CAPN8: variants seen among roughly 807,000 people sequenced by gnomAD.
The protein encoded by CAPN8 is calpain 8.
A neutral mutation model predicts 80.9 loss-of-function variants in CAPN8; 87 were observed. The observed-to-expected ratio is 1.07, with a 90% CI of 0.90 to 1.28. The LOEUF (loss-of-function observed/expected upper bound fraction) is 1.28, where lower values mean the gene tolerates loss of function less well. Among genes scored for constraint, CAPN8 ranks in the 50% most tolerant of loss-of-function variants. The pLI, the probability that CAPN8 is intolerant of heterozygous loss-of-function variation, is 0.00. For synonymous variants in CAPN8, 299 were observed against 273.8 expected (o/e 1.09, Z -0.91); for missense variants, 757 against 702.0 (o/e 1.08, Z -0.89).
intron 2 of CAPN8, among the ~76,000 whole-genome samples, chr1:223,635,487 T>C (rs1343429899): frequency 2.0e-5 from 3 of 152,260 alleles, no homozygotes; most frequent in African/African-American, 7.2e-5. Context: ...CTGGCTAGAC[T>C]TGGAAGCTGC....
chr1:223,623,207 CAT>C lies in CAPN8; in HGVS notation c.814-309_814-308del, dbSNP rs1657455380. Among the ~76,000 whole-genome samples the C allele has an allele frequency of 2.6e-5, 4 of 152,208 alleles. No individual in the cohort carries two copies. In the South Asian group the frequency reaches 8.3e-4, roughly 32 times the overall value. On this transcript the variant is annotated intron_variant, in intron 6 of 20. Transcript: ENST00000366872. ...ACTAAGATTGACTGAGCTTTTAATA[CAT>C]GAGACCTAATGATAATAAACGCCCT... is the stretch of plus-strand genomic sequence containing the variant.
rs1049697726 is a variant in CAPN8, at chr1:223,625,252, T to C, written c.813+553A>G. Among the ~76,000 whole-genome samples the C allele has an allele frequency of 2.0e-5, 3 of 152,288 alleles. No individual in the cohort carries two copies. In the South Asian group the frequency reaches 6.2e-4, roughly 32 times the overall value. ...TTTTCCTGTTTTGGGATTTTGTGAG[T>C]TCCCACTGTTTTGCCCACACAAACA... On this transcript the variant is annotated intron_variant, in intron 6 of 20. Transcript: ENST00000366872.
intron 3 of CAPN8, 105 bp downstream of exon 3, chr1:223,628,557 C>T (rs1307943315): frequency 2.4e-6 from 2 of 819,190 alleles, no homozygotes; most frequent in African/African-American, 1.7e-5. Context: ...ATTATTAAGA[C>T]ATAGGTCACT....
At chr1:223,637,984 G>A (rs1657948038) in intron 2 of CAPN8, among the ~76,000 whole-genome samples, 1 of 152,142 alleles carries the variant, frequency 6.6e-6, no homozygotes, top group Admixed American at 6.5e-5. Flanking sequence ...CTTGTAACAA[G>A]CGAAATGTTT....
chr1:223,665,008 C>T (rs1658747330), intron 1 of CAPN8, among the ~76,000 whole-genome samples: 1 of 152,120 alleles, frequency 6.6e-6, no homozygotes, highest in African/African-American at 2.4e-5. Context: ...TATCCCAGCA[C>T]TTTGGAAGGC....
Position 223,622,852 on chromosome 1 carries a change from A to G in CAPN8, c.862T>C (p.Trp288Arg). ...GCTCCCGACCACTCCACTTCACCCC[A>G]TGGATTCCTGAGTCTGATCAGCTTC... The part of the protein sequence containing the change: ...PEKLIRLRNP[W>R]GEVEWSGAWS... The change falls in exon 7 of 21, where the codon TGG becomes CGG. Residue 288 changes from tryptophan to arginine, a missense_variant. By Grantham distance (101) the Trp-to-Arg change is moderately radical. Transcript: ENST00000366872. 1 of 1,551,728 alleles carries G rather than the reference A, an allele frequency of 6.4e-7. No homozygotes were observed.
At chr1:223,645,265 G>A (rs766859126) in intron 2 of CAPN8, among the ~76,000 whole-genome samples, 7 of 152,142 alleles carry the variant, frequency 4.6e-5, no homozygotes, top group Non-Finnish European at 7.3e-5. Flanking sequence ...TCCTGGCCAC[G>A]CTGGCAGCTG....
At chr1:223,549,421 C>A in intron 15 of CAPN8, 39 bp from the exon 16 acceptor site, 2 of 1,551,090 alleles carry the variant, frequency 1.3e-6, no homozygotes, top group Non-Finnish European at 1.7e-6. Context: ...GGAATCGGAT[C>A]ATTTGAAGGT....
rs2102686604 is a variant in CAPN8, at chr1:223,545,287, C to T, written c.1777G>A (p.Gly593Ser). The change falls in exon 17 of 21, where the codon GGC becomes AGC. Residue 593 changes from glycine (G) to serine (S), a missense_variant. Transcript: ENST00000366872. ...MISLLDSNGT[G>S]TLGAVEFKTL... ...TTGAATTCCACCGCCCCCAAAGTGCCCGTTCCATTGCTCTAGGCACATTAA... is the reference window on the plus strand; with the variant it reads ...TTGAATTCCACCGCCCCCAAAGTGCTCGTTCCATTGCTCTAGGCACATTAA... 4.5e-6 allele frequency: 7 copies of T among 1,551,614 alleles called. No individual in the cohort carries two copies. The highest frequency in any genetic ancestry group is 6.1e-6 in the Non-Finnish European group (7 of 1,146,940).
At chr1:223,556,475 G>T (rs1226408856) in intron 13 of CAPN8, among the ~76,000 whole-genome samples, 1 of 152,164 alleles carries the variant, frequency 6.6e-6, no homozygotes, top group Non-Finnish European at 1.5e-5. Flanking sequence ...CTGGACCATT[G>T]GCCTGAGGAC....
At chr1:223,649,595 C>A (rs10915755) in intron 2 of CAPN8, among the ~76,000 whole-genome samples, 32,684 of 152,064 alleles carry the variant, frequency 0.21, 3,579 homozygotes, top group South Asian at 0.27. Flanking sequence ...ATTCTGAAAT[C>A]TTTTGAAAAT....
At chr1:223,649,434 G>T (rs1658279446) in intron 2 of CAPN8, among the ~76,000 whole-genome samples, 1 of 152,196 alleles carries the variant, frequency 6.6e-6, no homozygotes, top group Admixed American at 6.5e-5. Flanking sequence ...ACAGCCACCA[G>T]CAGGGGCTAG....
chr1:223,549,676 C>T lies in CAPN8; in HGVS notation c.1700-294G>A. 3.8e-6 allele frequency: 2 copies of T among 520,598 alleles called. 1 individual carries two copies. Among genetic ancestry groups the T allele is most frequent in the South Asian group, 4.0e-5 (2 of 49,584 alleles). The allele number at this position is 520,598 out of a possible 1,614,324, so 32.2% of individuals were successfully genotyped here. On this transcript the variant is annotated intron_variant, in intron 15 of 20. Transcript: ENST00000366872. ...ATTAATATCTTTGAGCTTTAATTTC[C>T]TCCTCCATCAAATGGGAATAATCAT...
chr1:223,641,692 G>A (rs895072101), intron 2 of CAPN8, among the ~76,000 whole-genome samples: 3 of 152,134 alleles, frequency 2.0e-5, no homozygotes, highest in African/African-American at 7.2e-5. Context: ...CCACTACTTT[G>A]CAAGTCCCCG....
chr1:223,628,236 C>T, intron 3 of CAPN8, 94 bp from the exon 4 acceptor site: 1 of 1,394,042 alleles, frequency 7.2e-7, no homozygotes, highest in Non-Finnish European at 9.5e-7. Context: ...TCTGTGCCAT[C>T]AGTGTTCGAG....
At chr1:223,544,321 C>T (rs1000589101) in intron 18 of CAPN8, 138 bp from the exon 19 acceptor site, 22 of 616,124 alleles carry the variant, frequency 3.6e-5, no homozygotes, top group Non-Finnish European at 5.5e-5. Flanking sequence ...ACTCTGCCTT[C>T]TCCAGGGGAT....
At chr1:223,558,248 C>T (rs969883550) in intron 12 of CAPN8, 81 bp from the exon 13 acceptor site, 118 of 397,818 alleles carry the variant, frequency 3.0e-4, no homozygotes, top group African/African-American at 2.3e-3. Flanking sequence ...AGGAAGATTT[C>T]GACCCTCCTG....
At chr1:223,645,707 G>C (rs772097506) in intron 2 of CAPN8, among the ~76,000 whole-genome samples, 1 of 152,292 alleles carries the variant, frequency 6.6e-6, no homozygotes, top group African/African-American at 2.4e-5. Flanking sequence ...GGGGGCCACA[G>C]GTGGCAGAGC....
At chr1:223,624,357 G>A (rs1438427148) in intron 6 of CAPN8, among the ~76,000 whole-genome samples, 3 of 152,298 alleles carry the variant, frequency 2.0e-5, no homozygotes, top group African/African-American at 4.8e-5. Context: ...TGTCTTCAGC[G>A]TGGATTGATG....
Sources: allele counts gnomAD v4.1 joint callset (sites outside exome capture counted in the v4.1 genomes callset), GRCh38; gene constraint gnomAD v4.1.1; transcripts MANE v1.5; gene names NCBI Gene and HGNC (gene_info 2026-07-23, HGNC 2026-07-21).